TMEM164: variants seen among roughly 807,000 people sequenced by gnomAD.
The protein encoded by TMEM164 is transmembrane protein 164.
TMEM164 carries 4 observed loss-of-function variants against 18.8 expected under a neutral mutation model. The observed-to-expected ratio is 0.21, with a 90% CI of 0.10 to 0.49. The LOEUF is 0.49. TMEM164 is among the 20% of genes least tolerant of loss of function. TMEM164 has a pLI of 0.98. For missense variants in TMEM164, 108 were observed against 239.9 expected (o/e 0.45, Z 3.63); for synonymous variants, 86 against 101.7 (o/e 0.85, Z 0.93).
At chrX:110,127,883 G>T (rs776557090) in intron 4 of TMEM164, among the ~76,000 whole-genome samples, 1 of 112,069 alleles carries the variant, frequency 8.9e-6, no homozygotes, top group Non-Finnish European at 1.9e-5. Context: ...GTATGATAGA[G>T]CATGCTAGGT....
chrX:110,126,293 G>A (rs983153503), intron 4 of TMEM164, among the ~76,000 whole-genome samples: 38 of 111,914 alleles, frequency 3.4e-4, no homozygotes, highest in Admixed American at 3.3e-3. Context: ...TCCTGATCCA[G>A]AGCACATCTC....
At chrX:110,072,313 A>G (rs1252109287) in intron 3 of TMEM164, among the ~76,000 whole-genome samples, 2 of 109,216 alleles carry the variant, frequency 1.8e-5, no homozygotes, top group African/African-American at 6.7e-5. Context: ...AAAAAAAAAA[A>G]AAAAGAAATT....
rs1442740629 is a variant in TMEM164 at position 110,086,577 on chromosome X, ATT to A, written c.440+19184_440+19185del. Reference sequence around the variant, plus strand: ...CTTAAAAGCAGTTAAGTTGGAAAAAATTTTATATATATATGTATATATGTGTA... The same window carrying A: ...CTTAAAAGCAGTTAAGTTGGAAAAAATTATATATATATGTATATATGTGTA... On this transcript the variant is annotated intron_variant, in intron 3 of 6. Transcript: ENST00000372068. Among the ~76,000 whole-genome samples, 14 of 107,133 alleles carry A rather than the reference ATT, an allele frequency of 1.3e-4. No individual in the cohort carries two copies. The East Asian group carries it at 2.6e-3, about 20-fold the overall frequency. 93.0% of individuals were successfully genotyped at this position (107,133 alleles called of 115,157 possible). A position where few individuals can be genotyped will look rare whatever the true frequency, so the allele number is the denominator to read the frequency against.
At chrX:110,004,445 G>C (rs926052496) in intron 2 of TMEM164, among the ~76,000 whole-genome samples, 7 of 110,872 alleles carry the variant, frequency 6.3e-5, no homozygotes, top group African/African-American at 2.3e-4. Flanking sequence ...GCCCAACCCT[G>C]CCGTGCCCTG....
At chrX:110,127,899 C>T (rs1198715936) in intron 4 of TMEM164, among the ~76,000 whole-genome samples, 1 of 112,263 alleles carries the variant, frequency 8.9e-6, no homozygotes, top group Non-Finnish European at 1.9e-5. Context: ...TAGGTGCACT[C>T]ATGGTCCTTA....
intron 2 of TMEM164, among the ~76,000 whole-genome samples, chrX:110,037,550 G>A (rs775803208): frequency 1.8e-5 from 2 of 112,060 alleles, no homozygotes; most frequent in African/African-American, 6.5e-5. Flanking sequence ...ATTGTGGAGG[G>A]CTTGTAGCTG....
intron 4 of TMEM164, among the ~76,000 whole-genome samples, chrX:110,120,232 T>G (rs1158362686): frequency 8.9e-6 from 1 of 112,394 alleles, no homozygotes; most frequent in Non-Finnish European, 1.9e-5. Context: ...CTTGTTTGCC[T>G]TGGCCCTGTC....
At chrX:110,109,497 G>A (rs1425161718) in intron 4 of TMEM164, among the ~76,000 whole-genome samples, 2 of 112,111 alleles carry the variant, frequency 1.8e-5, no homozygotes, top group African/African-American at 6.5e-5. Context: ...CAGCCTGGGC[G>A]ACAGAGCGAG....
intron 2 of TMEM164, among the ~76,000 whole-genome samples, chrX:110,014,212 A>G (rs191030115): frequency 8.9e-6 from 1 of 111,852 alleles, no homozygotes; most frequent in Admixed American, 9.5e-5. Context: ...AGTCATCATC[A>G]TTCTCACTAT....
downstream of TMEM164, among the ~76,000 whole-genome samples, chrX:110,181,737 T>A (rs755828343): frequency 1.8e-5 from 2 of 112,642 alleles, no homozygotes; most frequent in East Asian, 5.6e-4. Flanking sequence ...TAGTAGTAAA[T>A]ATCCTTGTCT....
At chrX:110,092,357 C>T (rs987217141) in intron 3 of TMEM164, among the ~76,000 whole-genome samples, 1 of 111,926 alleles carries the variant, frequency 8.9e-6, no homozygotes, top group African/African-American at 3.2e-5. Context: ...AATGTTCTTC[C>T]ATTTGTTTGT....
At chrX:110,052,423 C>T (rs1033305602) in intron 2 of TMEM164, among the ~76,000 whole-genome samples, 10 of 112,678 alleles carry the variant, frequency 8.9e-5, no homozygotes, top group Non-Finnish European at 1.1e-4. Flanking sequence ...TTACCAGATT[C>T]TTGGAAATCC....
At chrX:110,109,243 C>T (rs971222031) in intron 4 of TMEM164, 97 bp downstream of exon 4, 1 of 840,707 alleles carries the variant, frequency 1.2e-6, no homozygotes, top group Non-Finnish European at 1.7e-6. Context: ...GCTGGCCAGG[C>T]GCGGTGGCTC....
intron 3 of TMEM164, among the ~76,000 whole-genome samples, chrX:110,075,159 G>T (rs181334352): frequency 2.7e-5 from 3 of 111,301 alleles, no homozygotes; most frequent in East Asian, 5.6e-4. Context: ...AGTTCTCCTC[G>T]TAAAGATCTT....
At chrX:110,063,249 A>G (rs1027410630) in intron 2 of TMEM164, among the ~76,000 whole-genome samples, 2 of 112,057 alleles carry the variant, frequency 1.8e-5, no homozygotes, top group South Asian at 7.4e-4. Context: ...CCTCTCATTT[A>G]GGATGGCCTG....
intron 2 of TMEM164, among the ~76,000 whole-genome samples, chrX:110,052,059 T>C (rs773852283): frequency 2.9e-4 from 32 of 112,002 alleles, no homozygotes; most frequent in Non-Finnish European, 4.5e-4. Context: ...ATTCTAAAAA[T>C]GGGATCATTC....
At chrX:110,114,228 A>G (rs1477065367) in intron 4 of TMEM164, among the ~76,000 whole-genome samples, 1 of 111,974 alleles carries the variant, frequency 8.9e-6, no homozygotes, top group East Asian at 2.8e-4. Flanking sequence ...AATTTTGCAG[A>G]CAATTTCAGG....
intron 3 of TMEM164, among the ~76,000 whole-genome samples, chrX:110,093,128 ATTT>A (rs2065957949): frequency 9.0e-6 from 1 of 111,251 alleles, no homozygotes; most frequent in Admixed American, 9.6e-5. Flanking sequence ...TTTATTGAGG[ATTT>A]TTGCATCGAT....
intron 3 of TMEM164, among the ~76,000 whole-genome samples, chrX:110,080,888 ATTTTTTTTT>A (rs367869176): frequency 1.3e-5 from 1 of 74,570 alleles, no homozygotes; most frequent in Non-Finnish European, 2.3e-5. Flanking sequence ...CTAGCTAATA[ATTTTTTTTT>A]TTTTTTTTTT....
Sources: gnomAD v4.1 joint callset for allele counts (sites outside exome capture counted in the v4.1 genomes callset) on GRCh38, gnomAD v4.1.1 for gene constraint, MANE v1.5 for transcripts, NCBI Gene and HGNC (gene_info 2026-07-23, HGNC 2026-07-21) for gene names.